Variants in PKNOX2 observed in about 807,000 individuals in gnomAD.
PKNOX2 encodes PBX/knotted 1 homeobox 2.
Under a neutral mutation model 53.1 loss-of-function variants are expected in PKNOX2, and 14 were observed. The ratio of observed to expected loss-of-function variants is 0.26; its 90% CI spans 0.17 to 0.41. PKNOX2 has a LOEUF of 0.41. PKNOX2 is among the 10% of genes least tolerant of loss of function. The probability of loss-of-function intolerance (pLI) is 1.00; values close to 1 mark genes in which losing one functional copy is unlikely to be tolerated. For missense variants in PKNOX2, 496 were observed against 602.8 expected (o/e 0.82, Z 1.85); for synonymous variants, 257 against 242.8 (o/e 1.06, Z -0.54).
At chr11:125,417,382 C>T (rs1168581444) in intron 10 of PKNOX2, among the ~76,000 whole-genome samples, 2 of 152,060 alleles carry the variant, frequency 1.3e-5, no homozygotes, top group Non-Finnish European at 2.9e-5. Flanking sequence ...CCCTGCCATC[C>T]ACCAGAGGAG....
At chr11:125,188,831 C>A (rs1198282764) in intron 1 of PKNOX2, among the ~76,000 whole-genome samples, 1 of 151,928 alleles carries the variant, frequency 6.6e-6, no homozygotes, top group East Asian at 1.9e-4. Flanking sequence ...CAGCTAGTGG[C>A]CTGTACATTC....
At chr11:125,174,694 G>A (rs977105548) in intron 1 of PKNOX2, among the ~76,000 whole-genome samples, 2 of 152,130 alleles carry the variant, frequency 1.3e-5, no homozygotes, top group Non-Finnish European at 2.9e-5. Context: ...GGGGCCGGGA[G>A]AGTGCTTGTT....
chr11:125,268,195 C>T (rs566741110), intron 2 of PKNOX2, among the ~76,000 whole-genome samples: 3 of 152,312 alleles, frequency 2.0e-5, no homozygotes, highest in African/African-American at 7.2e-5. Flanking sequence ...CGGCCCCCAA[C>T]GCAGACAGGT....
At chr11:125,237,755 G>A (rs1331179751) in intron 2 of PKNOX2, among the ~76,000 whole-genome samples, 2 of 152,144 alleles carry the variant, frequency 1.3e-5, no homozygotes, top group Admixed American at 6.5e-5. Flanking sequence ...CCTCAGGGTC[G>A]ATCTCAACAA....
chr11:125,417,130 G>A (rs1475023293), intron 10 of PKNOX2, among the ~76,000 whole-genome samples: 2 of 151,984 alleles, frequency 1.3e-5, no homozygotes, highest in Non-Finnish European at 2.9e-5. Context: ...CAGGTCGGCC[G>A]AGAGCCCATG....
Position 125,386,265 on chromosome 11 carries a change from G to A in PKNOX2, c.399+543G>A, listed in dbSNP as rs113144331. On this transcript the variant is annotated intron_variant, in intron 6 of 12. Coordinates refer to ENST00000298282, the MANE Select transcript of PKNOX2 (RefSeq NM_001382323.2). ...TCCCAAACCTAATTTGTCAACTAGA[G>A]CATAACTACAGTTTTATAAAAATAC... 9.8e-5 allele frequency among the ~76,000 whole-genome samples: 15 copies of A among 152,334 alleles called. 1 individual carries two copies. Among genetic ancestry groups the A allele is most frequent in the African/African-American group, 3.6e-4 (15 of 41,572 alleles).
intron 1 of PKNOX2, among the ~76,000 whole-genome samples, chr11:125,205,813 C>G (rs1939028341): frequency 1.3e-5 from 2 of 152,042 alleles, no homozygotes; most frequent in African/African-American, 4.8e-5. Flanking sequence ...GTAACCTAAC[C>G]CCTAACTTCC....
At chr11:125,335,127 A>G (rs1250008086) in intron 3 of PKNOX2, among the ~76,000 whole-genome samples, 1 of 152,070 alleles carries the variant, frequency 6.6e-6, no homozygotes. Flanking sequence ...TCCCACTACC[A>G]TGGACACTAG....
intron 2 of PKNOX2, among the ~76,000 whole-genome samples, chr11:125,312,988 G>A (rs1948915127): frequency 6.6e-6 from 1 of 152,222 alleles, no homozygotes; most frequent in South Asian, 2.1e-4. Flanking sequence ...AAGGCAGGGG[G>A]GAGGCTGCAG....
intron 5 of PKNOX2, among the ~76,000 whole-genome samples, chr11:125,376,190 G>C (rs959439277): frequency 6.6e-6 from 1 of 152,190 alleles, no homozygotes; most frequent in South Asian, 2.1e-4. Flanking sequence ...CCACCCACCT[G>C]GGGGAGGAGA....
intron 1 of PKNOX2, among the ~76,000 whole-genome samples, chr11:125,209,979 A>G (rs939195356): frequency 6.6e-6 from 1 of 152,124 alleles, no homozygotes; most frequent in African/African-American, 2.4e-5. Context: ...GAGGTGGCCC[A>G]GGATGCATGC....
chr11:125,346,640 A>G (rs1385583366), intron 3 of PKNOX2, among the ~76,000 whole-genome samples: 4 of 152,222 alleles, frequency 2.6e-5, no homozygotes, highest in African/African-American at 9.6e-5. Flanking sequence ...CACAGCCCCT[A>G]CCTGTCTCAA....
rs1034283425 is a variant in PKNOX2, at chr11:125,295,472, C to T, written c.-129-36347C>T. 2.6e-5 allele frequency among the ~76,000 whole-genome samples: 4 copies of T among 152,338 alleles called. No homozygotes were observed. In the East Asian group the frequency reaches 5.8e-4, roughly 22 times the overall value. ...TATGCCTGTGCATGTGTGTGTGTGC[C>T]TGTGCGTATGCACCACTCTCAGAGC... On this transcript the variant is annotated intron_variant, in intron 2 of 12. Transcript: ENST00000298282.
intron 1 of PKNOX2, among the ~76,000 whole-genome samples, chr11:125,170,024 A>T (rs567818514): frequency 9.2e-5 from 14 of 152,182 alleles, no homozygotes; most frequent in Non-Finnish European, 1.5e-4. Flanking sequence ...CCTTCTCTTT[A>T]TTCCACTGGG....
intron 2 of PKNOX2, among the ~76,000 whole-genome samples, chr11:125,310,838 T>C (rs1387654849): frequency 1.3e-5 from 2 of 152,150 alleles, no homozygotes; most frequent in Non-Finnish European, 2.9e-5. Context: ...TCTTTCTGGT[T>C]TGATGATTGT....
At chr11:125,247,697 C>G (rs1013719784) in intron 2 of PKNOX2, among the ~76,000 whole-genome samples, 3 of 152,172 alleles carry the variant, frequency 2.0e-5, no homozygotes, top group Non-Finnish European at 2.9e-5. Context: ...GGTGTTCAGT[C>G]TGAGAGCCCT....
intron 3 of PKNOX2, among the ~76,000 whole-genome samples, chr11:125,341,821 T>C (rs576447299): frequency 6.6e-6 from 1 of 152,392 alleles, no homozygotes; most frequent in African/African-American, 2.4e-5. Context: ...TGCGAGTCTG[T>C]GTGGCCGCGC....
intron 2 of PKNOX2, among the ~76,000 whole-genome samples, chr11:125,309,262 C>A (rs1948661341): frequency 6.6e-6 from 1 of 150,934 alleles, no homozygotes; most frequent in Non-Finnish European, 1.5e-5. Flanking sequence ...TCCATCCTTG[C>A]ACATCACAAC....
chr11:125,392,123 T>A (rs1401703053), intron 6 of PKNOX2, among the ~76,000 whole-genome samples: 1 of 152,244 alleles, frequency 6.6e-6, no homozygotes, highest in Non-Finnish European at 1.5e-5. Context: ...TCAGACATTA[T>A]TAGAAGAGAT....
Sources: allele counts gnomAD v4.1 joint callset (sites outside exome capture counted in the v4.1 genomes callset), GRCh38; gene constraint gnomAD v4.1.1; transcripts MANE v1.5; gene names NCBI Gene and HGNC (gene_info 2026-07-23, HGNC 2026-07-21).